BANP: variants seen among roughly 807,000 people sequenced by gnomAD.
The protein encoded by BANP is protein BANP.
Under a neutral mutation model 68.1 loss-of-function variants are expected in BANP, and 11 were observed. That is an observed-to-expected ratio of 0.16 (90% confidence interval 0.10 to 0.27). The LOEUF (loss-of-function observed/expected upper bound fraction) is 0.27, where lower values mean the gene tolerates loss of function less well. Ranked by LOEUF, BANP falls within the 10% of genes least tolerant of loss-of-function variation. The probability of loss-of-function intolerance (pLI) is 1.00; values close to 1 mark genes in which losing one functional copy is unlikely to be tolerated. For synonymous variants in BANP, 329 were observed against 303.2 expected (o/e 1.09, Z -0.88); for missense variants, 504 against 722.7 (o/e 0.70, Z 3.47).
At chr16:87,997,854 A>G (rs901377676) in intron 4 of BANP, among the ~76,000 whole-genome samples, 5 of 152,168 alleles carry the variant, frequency 3.3e-5, no homozygotes, top group African/African-American at 2.4e-5. Flanking sequence ...CTGAGTGCCC[A>G]CTCTTGGCTG....
At chr16:87,964,545 C>T (rs1451815035) in intron 1 of BANP, among the ~76,000 whole-genome samples, 3 of 152,176 alleles carry the variant, frequency 2.0e-5, no homozygotes, top group Admixed American at 2.0e-4. Context: ...GCCGAGTGAG[C>T]GTGGCGGGGA....
At chr16:88,046,095 C>T (rs988846989) in intron 11 of BANP, among the ~76,000 whole-genome samples, 3 of 152,220 alleles carry the variant, frequency 2.0e-5, no homozygotes, top group African/African-American at 7.2e-5. Context: ...AGTAGGCGGG[C>T]TGTGGTCTGC....
intron 6 of BANP, chr16:88,017,522 A>C (rs1382110885): frequency 6.6e-6 from 1 of 152,250 alleles, no homozygotes; most frequent in East Asian, 1.9e-4. Context: ...CAACCCGGAG[A>C]TGCCGTTACA....
Position 88,004,239 on chromosome 16 carries a change from C to A in BANP, c.363-56C>A. 1 of 1,059,376 alleles carries A rather than the reference C, an allele frequency of 9.4e-7. No individual in the cohort carries two copies. The allele number at this position is 1,059,376 out of a possible 1,614,324, so 65.6% of individuals were successfully genotyped here. ...TTGAATGACTCTTATGTGCTCTTAC[C>A]ATGAATGTTGTTGTTTTAAGGCCTT... On this transcript the variant is annotated intron_variant, in intron 4 of 13. Transcript: ENST00000682872. The surrounding 1 kb of genome is among the most constrained non-coding windows in gnomAD (Gnocchi z 7.0).
intron 1 of BANP, 26 bp from the exon 2 acceptor site, chr16:87,975,019 TCTC>T (rs1272188401): frequency 1.3e-5 from 13 of 1,035,350 alleles, no homozygotes; most frequent in Non-Finnish European, 1.8e-5. Flanking sequence ...GTTAATGTCC[TCTC>T]CTCCTCCTTT....
rs1164972414 is a variant in BANP at position 88,004,181 on chromosome 16, C to A, written c.363-114C>A. 5.6e-6 allele frequency: 4 copies of A among 719,362 alleles called. No homozygotes were observed. Among genetic ancestry groups the A allele is most frequent in the African/African-American group, 5.2e-5 (3 of 57,380 alleles). 44.6% of individuals were successfully genotyped at this position (719,362 alleles called of 1,614,324 possible). A position where few individuals can be genotyped will look rare whatever the true frequency, so the allele number is the denominator to read the frequency against. On this transcript the variant is annotated intron_variant, in intron 4 of 13. Transcript: ENST00000682872. The surrounding 1 kb of genome is among the most constrained non-coding windows in gnomAD (Gnocchi z 7.0). Reference sequence around the variant, plus strand: ...CTATGTTGAATGACTCTTAGGCCTCCCCCTCAGTGCGGGTCCCTGGGAGTG... The same window carrying A: ...CTATGTTGAATGACTCTTAGGCCTCACCCTCAGTGCGGGTCCCTGGGAGTG...
At chr16:87,997,451 A>G (rs1327262416) in intron 4 of BANP, among the ~76,000 whole-genome samples, 3 of 152,284 alleles carry the variant, frequency 2.0e-5, no homozygotes, top group Non-Finnish European at 4.4e-5. Flanking sequence ...ACAGATCCTG[A>G]TCTTTCTGAG....
chr16:87,976,731 T>G (rs4843758), intron 2 of BANP, among the ~76,000 whole-genome samples: 100,747 of 151,890 alleles, frequency 0.66, 34,057 homozygotes, highest in African/African-American at 0.77. Flanking sequence ...ACTAGTTGTA[T>G]CATGGAAGGG....
chr16:88,023,033 C>G (rs992400610), intron 7 of BANP, among the ~76,000 whole-genome samples: 1 of 152,236 alleles, frequency 6.6e-6, no homozygotes, highest in Non-Finnish European at 1.5e-5. Context: ...GCTGTCTCTT[C>G]TCCAGGTTCT....
chr16:88,028,648 C>T (rs1475179102), intron 8 of BANP, among the ~76,000 whole-genome samples: 1 of 151,286 alleles, frequency 6.6e-6, no homozygotes, highest in Admixed American at 6.6e-5. Flanking sequence ...TGCCTTGGGA[C>T]TTGAGAGAGG....
Position 88,064,114 on chromosome 16 carries a change from G to A in BANP, c.1312-1153G>A, listed in dbSNP as rs1251517825. The stretch of plus-strand genomic sequence containing the variant: ...GGGCCAACCACAAGCAGGCACCGGC[G>A]CTGGGGGACCAGGGTCAGGGGGCTC... On this transcript the variant is annotated intron_variant, in intron 11 of 13. Transcript: ENST00000682872. The surrounding 1 kb of genome is among the most constrained non-coding windows in gnomAD (Gnocchi z 4.5). Among the ~76,000 whole-genome samples the A allele has an allele frequency of 1.3e-5, 2 of 151,982 alleles. No individual in the cohort carries two copies. The highest frequency in any genetic ancestry group is 1.5e-5 in the Non-Finnish European group (1 of 67,992).
rs1167366782 is a variant in BANP at position 88,057,208 on chromosome 16, A to C, written c.1312-8059A>C. Among the ~76,000 whole-genome samples the C allele has an allele frequency of 3.3e-5, 5 of 152,274 alleles. No individual in the cohort carries two copies. In the East Asian group the frequency reaches 9.6e-4, roughly 29 times the overall value. On this transcript the variant is annotated intron_variant, in intron 11 of 13. Transcript: ENST00000682872. The surrounding 1 kb of genome is among the most constrained non-coding windows in gnomAD (Gnocchi z 4.6). ...TGGGGAGCGACTTCACACAGCTGGC[A>C]CGGGATGCTTCGAAGTGGGGTACGG...
chr16:88,050,404 C>T (rs1183420309), intron 11 of BANP, among the ~76,000 whole-genome samples: 1 of 152,218 alleles, frequency 6.6e-6, no homozygotes, highest in Non-Finnish European at 1.5e-5. Flanking sequence ...AGTCCACCTG[C>T]CTCGGCCTCC....
At position 87,972,454 on chromosome 16, in the gene BANP, G is replaced by A. The variant is rs1281353500; in HGVS notation, c.-68-2594G>A. On this transcript the variant is annotated intron_variant, in intron 1 of 13. Coordinates refer to ENST00000682872, the MANE Select transcript of BANP (RefSeq NM_001386991.1). ...TTTCTTTTTAGTTTTCGTCTTTTTGGGGGATATATGTTTCTAGAATGTTTT... is the reference window on the plus strand; with the variant it reads ...TTTCTTTTTAGTTTTCGTCTTTTTGAGGGATATATGTTTCTAGAATGTTTT... Among the ~76,000 whole-genome samples the A allele has an allele frequency of 3.1e-5, 4 of 129,984 alleles. No homozygotes were observed. The East Asian group carries it at 1.0e-3, about 33-fold the overall frequency. 85.3% of individuals were successfully genotyped at this position (129,984 alleles called of 152,430 possible). A position where few individuals can be genotyped will look rare whatever the true frequency, so the allele number is the denominator to read the frequency against.
Position 87,984,944 on chromosome 16 carries a change from A to C in BANP, c.362+685A>C, listed in dbSNP as rs192268276. 5.0e-4 allele frequency among the ~76,000 whole-genome samples: 76 copies of C among 152,222 alleles called. 3 individuals carry two copies. The East Asian group carries it at 8.5e-3, about 17-fold the overall frequency. On this transcript the variant is annotated intron_variant, in intron 4 of 13. Transcript: ENST00000682872. ...TTTGTGCTTGACGAGGGGCCTTTTG[A>C]CTGAGCGCTACTCACTTCAGGTTCC...
chr16:87,991,420 C>G (rs1302784979), intron 4 of BANP, among the ~76,000 whole-genome samples: 1 of 152,182 alleles, frequency 6.6e-6, no homozygotes, highest in Non-Finnish European at 1.5e-5. Flanking sequence ...TGGAGCACTT[C>G]TCTAGTTTTA....
In BANP at chr16:88,006,117, C is replaced by T; in HGVS notation, c.507C>T (p.Thr169=). 6.2e-7 allele frequency: 1 copy of T among 1,613,922 alleles called. No homozygotes were observed. Among genetic ancestry groups the T allele is most frequent in the Admixed American group, 1.7e-5 (1 of 60,018 alleles). The change falls in exon 6 of 14, where the codon ACC becomes ACT. Residue 169 remains threonine, a synonymous_variant. Transcript: ENST00000682872. ...SNAVPGRRQN[T]IVVKVPGQED... Reference sequence around the variant, plus strand: ...CTGTGCCTGGGCGTCGGCAGAACACCATTGTGGTGAAGGTGCCGGGCCAAG... The same window carrying T: ...CTGTGCCTGGGCGTCGGCAGAACACTATTGTGGTGAAGGTGCCGGGCCAAG...
At chr16:87,962,108 C>T (rs930067091) in intron 1 of BANP, among the ~76,000 whole-genome samples, 7 of 151,984 alleles carry the variant, frequency 4.6e-5, no homozygotes, top group East Asian at 1.9e-4. Context: ...GGTGCAGTGG[C>T]GTGCGCCTGT....
chr16:87,951,212 C>G (rs986033474), upstream of BANP, among the ~76,000 whole-genome samples: 1 of 152,234 alleles, frequency 6.6e-6, no homozygotes, highest in Non-Finnish European at 1.5e-5. Context: ...CTCACGCAGG[C>G]CATGGGCGTG....
Sources: gnomAD v4.1 joint callset for allele counts (sites outside exome capture counted in the v4.1 genomes callset) on GRCh38, gnomAD v4.1.1 for gene constraint, Gnocchi (gnomAD v3.1) non-coding constraint, MANE v1.5 for transcripts, NCBI Gene and HGNC (gene_info 2026-07-23, HGNC 2026-07-21) for gene names.